Variants in RTF1 observed in about 807,000 individuals in gnomAD.
The protein encoded by RTF1 is RTF1 homolog, Paf1/RNA polymerase II complex component, also known as RNA polymerase-associated protein RTF1 homolog.
A neutral mutation model predicts 95.7 loss-of-function variants in RTF1; 10 were observed. The observed-to-expected ratio is 0.10, with a 90% CI of 0.06 to 0.18. The LOEUF (loss-of-function observed/expected upper bound fraction) is 0.18, where lower values mean the gene tolerates loss of function less well. RTF1 is among the 10% of genes least tolerant of loss of function. The probability of loss-of-function intolerance (pLI) is 1.00; values close to 1 mark genes in which losing one functional copy is unlikely to be tolerated. For missense variants in RTF1, 458 were observed against 875.6 expected (o/e 0.52, Z 6.02); for synonymous variants, 305 against 311.8 (o/e 0.98, Z 0.23).
intron 1 of RTF1, among the ~76,000 whole-genome samples, chr15:41,431,267 T>C (rs1595425554): frequency 6.7e-6 from 1 of 148,378 alleles, no homozygotes; most frequent in African/African-American, 2.5e-5. Flanking sequence ...CAGGCTAGAG[T>C]GCAGTGGTGC....
chr15:41,478,440 G>GA, intron 14 of RTF1, 108 bp from the exon 15 acceptor site: 1 of 798,942 alleles, frequency 1.3e-6, no homozygotes, highest in Non-Finnish European at 2.0e-6. Context: ...AAGGATAATA[G>GA]CTTTTTTTTT....
intron 3 of RTF1, among the ~76,000 whole-genome samples, chr15:41,454,119 A>G (rs1595433742): frequency 6.6e-6 from 1 of 152,272 alleles, no homozygotes; most frequent in East Asian, 1.9e-4. Flanking sequence ...TTATCGAGAC[A>G]GAGTTTCGCT....
chr15:41,461,157 C>T (rs564880559), intron 4 of RTF1, among the ~76,000 whole-genome samples: 2 of 152,128 alleles, frequency 1.3e-5, no homozygotes, highest in East Asian at 3.9e-4. Flanking sequence ...ATTCTCCTGC[C>T]TCAGCCTCCC....
chr15:41,479,603 G>A (rs530145275), intron 16 of RTF1, among the ~76,000 whole-genome samples: 45 of 152,326 alleles, frequency 3.0e-4, no homozygotes, highest in African/African-American at 9.9e-4. Context: ...GCTCATGCCT[G>A]TAATCCCAGC....
chr15:41,476,557 C>T (rs757828936), intron 12 of RTF1, 34 bp downstream of exon 12: 2 of 1,555,928 alleles, frequency 1.3e-6, no homozygotes, highest in South Asian at 2.2e-5. Context: ...TTTCCTCATC[C>T]TGTAAGGAGA....
In RTF1 at chr15:41,475,830, T is replaced by A; in HGVS notation, c.1482+11T>A. 3 of 1,413,312 alleles carry A rather than the reference T, an allele frequency of 2.1e-6. No individual in the cohort carries two copies. Among genetic ancestry groups the A allele is most frequent in the Non-Finnish European group, 9.9e-7 (1 of 1,014,732 alleles). 87.5% of individuals were successfully genotyped at this position (1,413,312 alleles called of 1,614,324 possible). A position where few individuals can be genotyped will look rare whatever the true frequency, so the allele number is the denominator to read the frequency against. ...CAGGACATTGAAGAGGTAAGAAAAC[T>A]GGTGCCCCAGAACCCGGAGGTTCAT... On this transcript the variant is annotated intron_variant, in intron 11 of 17. Transcript: ENST00000389629.
chr15:41,424,600 C>G (rs1004223814), intron 1 of RTF1, among the ~76,000 whole-genome samples: 1 of 152,174 alleles, frequency 6.6e-6, no homozygotes, highest in African/African-American at 2.4e-5. Flanking sequence ...TAGAAAACAT[C>G]AAATGTGTCA....
intron 15 of RTF1, 56 bp from the exon 16 acceptor site, chr15:41,479,047 C>A: frequency 1.6e-6 from 2 of 1,215,348 alleles, no homozygotes; most frequent in Admixed American, 1.7e-5. Flanking sequence ...AAGAATCTGG[C>A]AGTAGGACTC....
intron 2 of RTF1, among the ~76,000 whole-genome samples, chr15:41,447,897 T>G (rs931835162): frequency 5.3e-5 from 8 of 152,206 alleles, no homozygotes; most frequent in Non-Finnish European, 1.2e-4. Flanking sequence ...AAGTGCAAGG[T>G]CATTTTCTCT....
At chr15:41,418,113 C>T (rs1233808699) in intron 1 of RTF1, among the ~76,000 whole-genome samples, 1 of 152,130 alleles carries the variant, frequency 6.6e-6, no homozygotes, top group Non-Finnish European at 1.5e-5. Context: ...GCCTCAGTGT[C>T]TTGGGGTTGA....
Position 41,417,156 on chromosome 15 carries a change from CGGCGGCAGT to C in RTF1, c.47_55del (p.Ala16_Ala18del), listed in dbSNP as rs1318712308. Reference sequence around the variant, plus strand: ...TGTGTGGGTCGAGCAGCGGCGGCGGCGGCGGCAGTGGCGGTCCCACTGGCAGGCGGGCAA... The same window carrying C: ...TGTGTGGGTCGAGCAGCGGCGGCGGCGGCGGTCCCACTGGCAGGCGGGCAA... On this transcript the variant is annotated inframe_deletion, in exon 1 of 18. Transcript: ENST00000389629. 5.6e-6 allele frequency: 7 copies of C among 1,260,258 alleles called. No homozygotes were observed. The highest frequency in any genetic ancestry group is 7.4e-5 in the South Asian group (2 of 27,110). 78.1% of individuals were successfully genotyped at this position (1,260,258 alleles called of 1,614,324 possible).
intron 5 of RTF1, 151 bp downstream of exon 5, chr15:41,465,036 C>T: frequency 7.8e-7 from 1 of 1,283,160 alleles, no homozygotes; most frequent in Non-Finnish European, 1.0e-6. Flanking sequence ...AATCTCTGGA[C>T]ATATCACCAT....
chr15:41,417,752 C>T (rs890197284), intron 1 of RTF1, among the ~76,000 whole-genome samples: 1 of 152,158 alleles, frequency 6.6e-6, no homozygotes, highest in African/African-American at 2.4e-5. Context: ...CAAGAAGATC[C>T]GGACTCTGGA....
In RTF1 at chr15:41,417,148, G is replaced by T. The variant is rs1364237487; in HGVS notation, c.33G>T (p.Ala11=). 1.6e-6 allele frequency: 2 copies of T among 1,247,462 alleles called. No individual in the cohort carries two copies. The highest frequency in any genetic ancestry group is 1.0e-6 in the Non-Finnish European group (1 of 991,122). The allele number at this position is 1,247,462 out of a possible 1,614,324, so 77.3% of individuals were successfully genotyped here. The stretch of plus-strand genomic sequence containing the variant: ...GTCGCCTTTGTGTGGGTCGAGCAGC[G>T]GCGGCGGCGGCGGCAGTGGCGGTCC... MRGRLCVGRA[A]AAAAAVAVPL... The change falls in exon 1 of 18, where the codon GCG becomes GCT. Residue 11 remains alanine, a synonymous_variant. Coordinates refer to ENST00000389629, the MANE Select transcript of RTF1 (RefSeq NM_015138.5).
At chr15:41,447,079 A>T (rs868458241) in intron 2 of RTF1, among the ~76,000 whole-genome samples, 1 of 152,308 alleles carries the variant, frequency 6.6e-6, no homozygotes, top group Middle Eastern at 3.4e-3. Context: ...TTGGGATTAC[A>T]GGCATGAGCC....
intron 6 of RTF1, among the ~76,000 whole-genome samples, chr15:41,468,914 G>A (rs190219677): frequency 2.6e-5 from 4 of 152,132 alleles, no homozygotes; most frequent in Admixed American, 2.6e-4. Flanking sequence ...CATTTTTAAC[G>A]TGCTTTATGT....
At chr15:41,464,352 G>A (rs987844797) in intron 4 of RTF1, among the ~76,000 whole-genome samples, 19 of 148,632 alleles carry the variant, frequency 1.3e-4, no homozygotes, top group Non-Finnish European at 2.2e-4. Context: ...GGATTAAAGC[G>A]ATTCTCCTGC....
At position 41,432,911 on chromosome 15, in the gene RTF1, T is replaced by C. The variant is rs942573263; in HGVS notation, c.199-5410T>C. On this transcript the variant is annotated intron_variant, in intron 1 of 17. Transcript: ENST00000389629. ...CGGGATCGCACCATTGCACTCCAGCTTGGGCAACAAGAGTGAAACTCCGTC... is the reference window on the plus strand; with the variant it reads ...CGGGATCGCACCATTGCACTCCAGCCTGGGCAACAAGAGTGAAACTCCGTC... Among the ~76,000 whole-genome samples the C allele has an allele frequency of 3.4e-5, 5 of 148,996 alleles. No individual in the cohort carries two copies. In the Admixed American group the frequency reaches 3.4e-4, roughly 10 times the overall value.
chr15:41,421,745 G>A (rs1359323057), intron 1 of RTF1, among the ~76,000 whole-genome samples: 2 of 143,608 alleles, frequency 1.4e-5, no homozygotes, highest in Non-Finnish European at 3.0e-5. Flanking sequence ...TTTCACTCCT[G>A]TCACCCAGGC....
Sources: allele counts gnomAD v4.1 joint callset (sites outside exome capture counted in the v4.1 genomes callset), GRCh38; gene constraint gnomAD v4.1.1; transcripts MANE v1.5; gene names NCBI Gene and HGNC (gene_info 2026-07-23, HGNC 2026-07-21).